Variants in NPC1 observed in about 807,000 individuals in gnomAD.
The protein encoded by NPC1 is NPC intracellular cholesterol transporter 1.
In NPC1, 85 loss-of-function variants were observed where a neutral mutation model predicts 140.4. The ratio of observed to expected loss-of-function variants is 0.61; its 90% CI spans 0.51 to 0.72. NPC1 has a LOEUF of 0.72. Among genes scored for constraint, NPC1 ranks in the 30% least tolerant of loss-of-function variants. The pLI, the probability that NPC1 is intolerant of heterozygous loss-of-function variation, is 0.00. For missense variants in NPC1, 1,504 were observed against 1,623.8 expected (o/e 0.93, Z 1.27); for synonymous variants, 656 against 624.8 (o/e 1.05, Z -0.74).
rs146782129 is a variant in NPC1 at position 23,552,344 on chromosome 18, G to C, written c.1554-617C>G. Among the ~76,000 whole-genome samples, 903 of 152,262 alleles carry C rather than the reference G, an allele frequency of 5.9e-3. 7 individuals carry two copies. Among genetic ancestry groups the C allele is most frequent in the African/African-American group, 0.02 (837 of 41,550 alleles). On this transcript the variant is annotated intron_variant, in intron 9 of 24. Transcript: ENST00000269228. Reference sequence around the variant, plus strand: ...AAAGATGTCCTGTCCTAGAGCATGGGGTGCCCACCAAGGGGGCTCCTGAAG... The same window carrying C: ...AAAGATGTCCTGTCCTAGAGCATGGCGTGCCCACCAAGGGGGCTCCTGAAG...
In NPC1 at chr18:23,536,773, C is replaced by A; in HGVS notation, c.3145G>T (p.Ala1049Ser). Residue 1049 changes from alanine (A) to serine (S), a missense_variant, in exon 21 of 25, where the codon GCT becomes TCT. Physicochemically the swap from Ala to Ser is moderately conservative, Grantham distance 99. Coordinates refer to ENST00000269228, the MANE Select transcript of NPC1 (RefSeq NM_000271.5). ...MTYHTVLQTS[A>S]DFIDALKKAR... ...TTCTTCAGAGCGTCAATAAAGTCAG[C>A]AGAGGTCTGCAGCACGGTGTGGTAG... The A allele has an allele frequency of 6.2e-7, 1 of 1,614,172 alleles. No individual in the cohort carries two copies. The highest frequency in any genetic ancestry group is 8.5e-7 in the Non-Finnish European group (1 of 1,180,020).
chr18:23,539,847 A>G lies in NPC1; in HGVS notation c.2759T>C (p.Val920Ala). Residue 920 changes from valine (V) to alanine (A), a missense_variant, in exon 18 of 25, where the codon GTG becomes GCG. By Grantham distance (64) the Val-to-Ala change is moderately conservative (BLOSUM62 0). Coordinates refer to ENST00000269228, the MANE Select transcript of NPC1 (RefSeq NM_000271.5). ...GGMGCNNDSL[V>A]QQIFNAAQLD... ...CTGCGCCGCGTTAAATATCTGCTGC[A>G]CCAGGGAATCATTGTTGCAGCCCAT... The G allele has an allele frequency of 6.2e-7, 1 of 1,614,212 alleles. No homozygotes were observed. The highest frequency in any genetic ancestry group is 1.1e-5 in the South Asian group (1 of 91,088).
intron 3 of NPC1, among the ~76,000 whole-genome samples, chr18:23,570,803 GCC>G (rs2059190496): frequency 6.6e-6 from 1 of 152,162 alleles, no homozygotes. Context: ...CAGGGTCATA[GCC>G]AACAGAACAG....
intron 4 of NPC1, among the ~76,000 whole-genome samples, chr18:23,567,513 A>AT (rs1346215293): frequency 6.6e-6 from 1 of 152,060 alleles, no homozygotes; most frequent in Non-Finnish European, 1.5e-5. Flanking sequence ...TTTAGGAGTT[A>AT]TTTGTATATT....
At chr18:23,559,904 G>A (rs1299081016) in intron 6 of NPC1, among the ~76,000 whole-genome samples, 1 of 152,074 alleles carries the variant, frequency 6.6e-6, no homozygotes, top group African/African-American at 2.4e-5. Context: ...GTTGCAGTGA[G>A]CTGAGATCAC....
intron 22 of NPC1, among the ~76,000 whole-genome samples, chr18:23,534,815 C>T (rs973941581): frequency 2.0e-5 from 3 of 152,184 alleles, no homozygotes; most frequent in African/African-American, 4.8e-5. Flanking sequence ...TGCTGGAACC[C>T]GTTAAGGTCA....
chr18:23,572,735 G>A (rs1168661486), intron 2 of NPC1, among the ~76,000 whole-genome samples: 2 of 152,192 alleles, frequency 1.3e-5, no homozygotes, highest in African/African-American at 4.8e-5. Context: ...TTGGGACGCT[G>A]AGTTGAGAGA....
chr18:23,538,242 T>A (rs2145364914), intron 20 of NPC1, among the ~76,000 whole-genome samples: 1 of 152,272 alleles, frequency 6.6e-6, no homozygotes, highest in African/African-American at 2.4e-5. Flanking sequence ...CAGGCCGTCC[T>A]CTCCCTCAGC....
chr18:23,552,253 T>G (rs950898904), intron 9 of NPC1, among the ~76,000 whole-genome samples: 2 of 151,902 alleles, frequency 1.3e-5, no homozygotes, highest in African/African-American at 4.8e-5. Context: ...ACCCAGGAGT[T>G]TGAGTCCAGC....
downstream of NPC1, chr18:23,530,047 T>G: frequency 6.2e-7 from 1 of 1,614,134 alleles, no homozygotes. Flanking sequence ...CATGAACTTG[T>G]TATCAAAACC....
chr18:23,543,017 A>T (rs1021848138), intron 14 of NPC1, among the ~76,000 whole-genome samples: 5 of 152,142 alleles, frequency 3.3e-5, no homozygotes, highest in Admixed American at 3.3e-4. Flanking sequence ...CCCAGTGCAG[A>T]ACAAAGCTTA....
rs7236499 is a variant in NPC1 at position 23,551,377 on chromosome 18, G to A, written c.1654+250C>T. Among the ~76,000 whole-genome samples, 1,776 of 152,294 alleles carry A rather than the reference G, an allele frequency of 0.012. 36 individuals are homozygous for A. The highest frequency in any genetic ancestry group is 0.041 in the African/African-American group (1,699 of 41,542). On this transcript the variant is annotated intron_variant, in intron 10 of 24. Coordinates refer to ENST00000269228, the MANE Select transcript of NPC1 (RefSeq NM_000271.5). The stretch of plus-strand genomic sequence containing the variant: ...AGGTTTGCAATTGCATTATTCTGGG[G>A]AAAGGTACTTAGCCTTCGACAGCTT...
Position 23,516,053 on chromosome 18 carries a change from T to TA in NPC1, c.432-9412dup, listed in dbSNP as rs535162287. The TA allele has an allele frequency of 3.1e-4, 499 of 1,610,452 alleles. 1 individual carries two copies. The East Asian group carries it at 9.0e-3, about 29-fold the overall frequency. ...TTTCCCCAGTTGTCCCCTGTTCCTGTAGCATCCTAATGTGTCAGGCACGTT... is the reference window on the plus strand; with the variant it reads ...TTTCCCCAGTTGTCCCCTGTTCCTGTAAGCATCCTAATGTGTCAGGCACGTT... On this transcript the variant is annotated intron_variant, in intron 3 of 3. Coordinates refer to the NPC1 transcript ENST00000591107.
In NPC1 at chr18:23,539,951, C is replaced by G; in HGVS notation, c.2655G>C (p.Ala885=). 1 of 1,614,130 alleles carries G rather than the reference C, an allele frequency of 6.2e-7. No individual in the cohort carries two copies. Among genetic ancestry groups the G allele is most frequent in the Non-Finnish European group, 8.5e-7 (1 of 1,180,020 alleles). Residue 885 remains alanine (A), a synonymous_variant, in exon 18 of 25, where the codon GCG becomes GCC. Coordinates refer to ENST00000269228, the MANE Select transcript of NPC1 (RefSeq NM_000271.5). The stretch of plus-strand genomic sequence containing the variant: ...CCAGGACAAAGTACACAGGCGGACC[C>G]GCATGCAGGTACTGACTGATGGATT... ...YFKSISQYLH[A]GPPVYFVLEE... is the part of the protein sequence containing the mutation.
At chr18:23,571,338 T>G (rs1030965404) in intron 3 of NPC1, among the ~76,000 whole-genome samples, 1 of 151,384 alleles carries the variant, frequency 6.6e-6, no homozygotes, top group Non-Finnish European at 1.5e-5. Context: ...GCCAACATAG[T>G]GAGACCCTCA....
chr18:23,568,384 G>A (rs1190790828), intron 4 of NPC1, among the ~76,000 whole-genome samples: 3 of 152,176 alleles, frequency 2.0e-5, no homozygotes, highest in African/African-American at 4.8e-5. Context: ...TCAATGCTGG[G>A]GGATCATTTC....
intron 1 of NPC1, among the ~76,000 whole-genome samples, chr18:23,584,184 C>G (rs1181284036): frequency 6.6e-6 from 1 of 152,098 alleles, no homozygotes; most frequent in African/African-American, 2.4e-5. Flanking sequence ...AAGCAAAAAT[C>G]CCCCCAACAT....
rs547107514 is a variant in NPC1 at position 23,544,948 on chromosome 18, C to CCCT, written c.1947+11_1947+12insAGG. 109 of 1,379,414 alleles carry CCCT rather than the reference C, an allele frequency of 7.9e-5. 13 individuals carry two copies. The Admixed American group carries it at 1.5e-3, about 19-fold the overall frequency. 85.4% of individuals were successfully genotyped at this position (1,379,414 alleles called of 1,614,324 possible). A position where few individuals can be genotyped will look rare whatever the true frequency, so the allele number is the denominator to read the frequency against. On this transcript the variant is annotated intron_variant, in intron 12 of 24. Coordinates refer to ENST00000269228, the MANE Select transcript of NPC1 (RefSeq NM_000271.5). ...TAACCTCTAGAACATACACCACCCCCCCCCGGCTTACCAGAAGCCTGCGAC... is the reference window on the plus strand; with the variant it reads ...TAACCTCTAGAACATACACCACCCCCCCTCCCCGGCTTACCAGAAGCCTGCGAC...
intron 23 of NPC1, 147 bp downstream of exon 23, chr18:23,534,299 A>G (rs1475048684): frequency 1.4e-6 from 1 of 705,286 alleles, no homozygotes. Flanking sequence ...CGTTCTGTCC[A>G]CGATGTGGCA....
Sources: allele counts gnomAD v4.1 joint callset (sites outside exome capture counted in the v4.1 genomes callset), GRCh38; gene constraint gnomAD v4.1.1; transcripts MANE v1.5; gene names NCBI Gene and HGNC (gene_info 2026-07-23, HGNC 2026-07-21).